The following DEUP1 variants were observed in gnomAD, a reference collection of about 807,000 sequenced individuals.
The protein encoded by DEUP1 is coiled-coil domain containing 67.
A neutral mutation model predicts 87.4 loss-of-function variants in DEUP1; 82 were observed. That is an observed-to-expected ratio of 0.94 (90% CI 0.78 to 1.13). The LOEUF is 1.13. Ranked by LOEUF, DEUP1 falls within the 50% of genes most tolerant of loss-of-function variation. The pLI, the probability that DEUP1 is intolerant of heterozygous loss-of-function variation, is 0.00. For synonymous variants in DEUP1, 214 were observed against 222.7 expected, an observed-to-expected ratio of 0.96 and a Z score of 0.35; for missense variants, 663 against 681.5, an observed-to-expected ratio of 0.97 and a Z score of 0.30.
chr11:93,393,998 T>C (rs1946856509), intron 9 of DEUP1, among the ~76,000 whole-genome samples: 1 of 152,224 alleles, frequency 6.6e-6, no homozygotes, highest in Non-Finnish European at 1.5e-5. Flanking sequence ...GAGAAACAAA[T>C]GTTTAGTTAC....
intron 2 of DEUP1, among the ~76,000 whole-genome samples, chr11:93,349,679 A>G (rs1341221083): frequency 1.3e-5 from 2 of 152,280 alleles, no homozygotes; most frequent in East Asian, 3.9e-4. Context: ...GCAAATGTGT[A>G]TTAAGCATCT....
chr11:93,368,435 G>T (rs1591154007), intron 5 of DEUP1, among the ~76,000 whole-genome samples: 1 of 152,310 alleles, frequency 6.6e-6, no homozygotes, highest in Admixed American at 6.5e-5. Context: ...TTGACTCACA[G>T]TTCCACAGGT....
chr11:93,355,631 T>C (rs1226899463), intron 3 of DEUP1, 89 bp downstream of exon 3: 1 of 1,172,002 alleles, frequency 8.5e-7, no homozygotes, highest in African/African-American at 1.6e-5. Flanking sequence ...ATACATACTT[T>C]TTATCAGGCA....
chr11:93,336,411 A>T (rs1168100761), intron 2 of DEUP1, among the ~76,000 whole-genome samples: 3 of 152,192 alleles, frequency 2.0e-5, no homozygotes, highest in African/African-American at 7.2e-5. Flanking sequence ...CAACCATATC[A>T]GCGGGCTTAT....
At chr11:93,427,414 C>T (rs975570095) in intron 13 of DEUP1, among the ~76,000 whole-genome samples, 26 of 152,058 alleles carry the variant, frequency 1.7e-4, no homozygotes, top group Non-Finnish European at 3.4e-4. Context: ...GGAAAACTGG[C>T]TAGCCATATG....
At chr11:93,347,506 T>G (rs1330326463) in intron 2 of DEUP1, among the ~76,000 whole-genome samples, 2 of 152,160 alleles carry the variant, frequency 1.3e-5, no homozygotes, top group African/African-American at 4.8e-5. Context: ...TGCCAGGTTT[T>G]GGTCAGGATG....
In DEUP1 at chr11:93,373,583, A is replaced by G. The variant is rs537843925; in HGVS notation, c.789+2303A>G. On this transcript the variant is annotated intron_variant, in intron 7 of 13. Coordinates refer to ENST00000298050, the MANE Select transcript of DEUP1 (RefSeq NM_181645.4). ...CTGTGTAGTATTCATATATATATAC[A>G]TATATATATACGTATATATATTTAT... Among the ~76,000 whole-genome samples the G allele has an allele frequency of 1.2e-4, 17 of 141,496 alleles. No individual in the cohort carries two copies. The East Asian group carries it at 2.3e-3, about 19-fold the overall frequency. 92.8% of individuals were successfully genotyped at this position (141,496 alleles called of 152,430 possible).
At chr11:93,386,142 C>T (rs929004320) in intron 8 of DEUP1, among the ~76,000 whole-genome samples, 1 of 151,918 alleles carries the variant, frequency 6.6e-6, no homozygotes, top group South Asian at 2.1e-4. Context: ...TTTTTAAATG[C>T]CTTTGTTTTG....
intron 13 of DEUP1, 154 bp downstream of exon 13, chr11:93,415,268 T>G: frequency 3.2e-5 from 13 of 407,912 alleles, no homozygotes; most frequent in Admixed American, 4.2e-5. Context: ...CATTTGGCCA[T>G]ACCTATCTAC....
At chr11:93,390,823 C>A (rs1341017339) in intron 9 of DEUP1, among the ~76,000 whole-genome samples, 1 of 152,120 alleles carries the variant, frequency 6.6e-6, no homozygotes, top group Non-Finnish European at 1.5e-5. Context: ...GTGGCTCACA[C>A]CTGTAATTCC....
At position 93,408,382 on chromosome 11, in the gene DEUP1, G is replaced by A; in HGVS notation, c.1478G>A (p.Arg493Lys). Reference sequence around the variant, plus strand: ...CAAAACACCTATGAAGAAACAGGAAGATATGCCTATCAAAGCCAAATAAAA... The same window carrying A: ...CAAAACACCTATGAAGAAACAGGAAAATATGCCTATCAAAGCCAAATAAAA... ...TNQNTYEETG[R>K]YAYQSQIKVE... The change falls in exon 12 of 14, where the codon AGA becomes AAA. Residue 493 changes from arginine (R) to lysine (K), a missense_variant. Physicochemically the swap from Arg to Lys is conservative, Grantham distance 26. Coordinates refer to ENST00000298050, the MANE Select transcript of DEUP1 (RefSeq NM_181645.4). 1 of 1,569,480 alleles carries A rather than the reference G, an allele frequency of 6.4e-7. No homozygotes were observed. The highest frequency in any genetic ancestry group is 8.6e-7 in the Non-Finnish European group (1 of 1,156,760).
chr11:93,332,317 A>AT, intron 2 of DEUP1, 29 bp downstream of exon 2: 1 of 1,592,400 alleles, frequency 6.3e-7, no homozygotes, highest in Non-Finnish European at 8.6e-7. Context: ...CTGTTTAATA[A>AT]GTATGTGCTT....
chr11:93,373,574 T>A (rs1203656425), intron 7 of DEUP1, among the ~76,000 whole-genome samples: 1 of 145,696 alleles, frequency 6.9e-6, no homozygotes, highest in Non-Finnish European at 1.5e-5. Flanking sequence ...AGTATTCATA[T>A]ATATATACAT....
At chr11:93,356,867 T>A in intron 3 of DEUP1, 81 bp from the exon 4 acceptor site, 1 of 833,280 alleles carries the variant, frequency 1.2e-6, no homozygotes, top group East Asian at 2.7e-5. Flanking sequence ...TTTATTTGAA[T>A]TGTTCTTCTC....
At chr11:93,362,966 A>G (rs1380041535) in intron 4 of DEUP1, among the ~76,000 whole-genome samples, 2 of 151,876 alleles carry the variant, frequency 1.3e-5, no homozygotes, top group African/African-American at 4.8e-5. Context: ...CATTGTTCAT[A>G]GCATTATTTA....
At chr11:93,351,846 G>C (rs951586120) in intron 2 of DEUP1, among the ~76,000 whole-genome samples, 5 of 152,088 alleles carry the variant, frequency 3.3e-5, no homozygotes, top group Admixed American at 1.3e-4. Flanking sequence ...TCATCTTTTT[G>C]GGCTGACTCT....
intron 6 of DEUP1, 27 bp from the exon 7 acceptor site, chr11:93,371,011 G>T: frequency 1.3e-6 from 2 of 1,584,760 alleles, no homozygotes; most frequent in South Asian, 2.3e-5. Flanking sequence ...TTCTTCATTT[G>T]AGTTACACAG....
intron 4 of DEUP1, among the ~76,000 whole-genome samples, chr11:93,359,520 C>T (rs1262342601): frequency 6.6e-6 from 1 of 152,090 alleles, no homozygotes; most frequent in Non-Finnish European, 1.5e-5. Context: ...TGGCTAAGGA[C>T]CTTGGGACTC....
chr11:93,403,090 A>G (rs1947171889), intron 11 of DEUP1, among the ~76,000 whole-genome samples: 1 of 152,134 alleles, frequency 6.6e-6, no homozygotes, highest in East Asian at 1.9e-4. Flanking sequence ...AAATTATTTA[A>G]ATGTACTAAT....
Sources: gnomAD v4.1 joint callset for allele counts (sites outside exome capture counted in the v4.1 genomes callset) on GRCh38, gnomAD v4.1.1 for gene constraint, MANE v1.5 for transcripts, NCBI Gene and HGNC (gene_info 2026-07-23, HGNC 2026-07-21) for gene names.